Variants in POLE2 observed in about 807,000 individuals in gnomAD.
The protein encoded by POLE2 is DNA polymerase epsilon 2, accessory subunit, also known as DNA polymerase epsilon subunit 2.
A neutral mutation model predicts 79.4 loss-of-function variants in POLE2; 56 were observed. That is an observed-to-expected ratio of 0.71 (90% CI 0.57 to 0.88). The LOEUF is 0.88. POLE2 is among the 40% of genes least tolerant of loss of function. The pLI, the probability that POLE2 is intolerant of heterozygous loss-of-function variation, is 0.00. For missense variants in POLE2, 598 were observed against 638.9 expected, an observed-to-expected ratio of 0.94 and a Z score of 0.69; for synonymous variants, 212 against 214.0, an observed-to-expected ratio of 0.99 and a Z score of 0.08.
chr14:49,649,442 G>A (rs1187039372), intron 17 of POLE2, among the ~76,000 whole-genome samples: 16 of 146,362 alleles, frequency 1.1e-4, no homozygotes, highest in Non-Finnish European at 1.9e-4. Flanking sequence ...CACCACACCC[G>A]GCCTATATTT....
At chr14:49,652,672 G>T (rs1465126223) in intron 15 of POLE2, among the ~76,000 whole-genome samples, 1 of 152,130 alleles carries the variant, frequency 6.6e-6, no homozygotes, top group African/African-American at 2.4e-5. Context: ...CTGATGATCT[G>T]TCACTGTCTC....
At chr14:49,672,340 A>G (rs536037066) in intron 5 of POLE2, among the ~76,000 whole-genome samples, 1 of 152,298 alleles carries the variant, frequency 6.6e-6, no homozygotes, top group Admixed American at 6.5e-5. Flanking sequence ...TAGCAACACT[A>G]TGTCGGCAAT....
chr14:49,656,180 C>G (rs1447377034), intron 10 of POLE2, among the ~76,000 whole-genome samples: 1 of 151,878 alleles, frequency 6.6e-6, no homozygotes, highest in Admixed American at 6.6e-5. Context: ...ACAGTGAAAC[C>G]CCATCTCTAC....
Position 49,664,664 on chromosome 14 carries a change from C to A in POLE2, c.644G>T (p.Ser215Ile). ...AAAGCATGCCTCTGTGTATAAACCA[C>A]TATGGAACTGGTACACAACAGTTGA... is the stretch of plus-strand genomic sequence containing the variant. ...QLDLSKAQFHSGLYTEACFVL... is the reference protein window; with the variant it reads ...QLDLSKAQFHIGLYTEACFVL... The change falls in exon 9 of 19, where the codon AGT becomes ATT. Residue 215 changes from serine to isoleucine, a missense_variant. Physicochemically the swap from Ser to Ile is moderately radical, Grantham distance 142. Coordinates refer to ENST00000216367, the MANE Select transcript of POLE2 (RefSeq NM_002692.4). 1 of 1,589,788 alleles carries A rather than the reference C, an allele frequency of 6.3e-7. No individual in the cohort carries two copies. The highest frequency in any genetic ancestry group is 1.1e-5 in the South Asian group (1 of 90,504).
chr14:49,666,140 T>C (rs150996782), intron 7 of POLE2, among the ~76,000 whole-genome samples, 190 bp downstream of exon 7: 19 of 152,346 alleles, frequency 1.2e-4, no homozygotes, highest in Non-Finnish European at 2.4e-4. Context: ...AGCCATTATT[T>C]ATCCTTGTTC....
At chr14:49,682,674 T>G (rs1390458266) in intron 2 of POLE2, among the ~76,000 whole-genome samples, 1 of 146,170 alleles carries the variant, frequency 6.8e-6, no homozygotes. Context: ...AAAGTCTATT[T>G]TCTACAGTTT....
intron 2 of POLE2, 28 bp downstream of exon 2, chr14:49,683,565 T>C: frequency 1.0e-6 from 1 of 998,170 alleles, no homozygotes; most frequent in South Asian, 1.4e-5. Flanking sequence ...TATTAACAAT[T>C]TAGGAGTTAT....
intron 1 of POLE2, 101 bp downstream of exon 1, chr14:49,688,035 C>T (rs1214413569): frequency 1.0e-6 from 1 of 992,598 alleles, no homozygotes; most frequent in Non-Finnish European, 1.5e-6. Flanking sequence ...CAAGCCCCCT[C>T]TCGGCGCGCG....
chr14:49,662,574 T>C (rs1343007095), intron 10 of POLE2, among the ~76,000 whole-genome samples: 1 of 152,234 alleles, frequency 6.6e-6, no homozygotes, highest in African/African-American at 2.4e-5. Context: ...AGGGCACACA[T>C]ACATGCCCTG....
rs2139653431 is a variant in POLE2 at position 49,666,389 on chromosome 14, C to A, written c.517G>T (p.Gly173Cys). ...GCATCTCCGATTTTGGTTGTACTAC[C>A]CAATAAGGTTTCTATTGTTTTAAGC... is the stretch of plus-strand genomic sequence containing the variant. ...FQLKTIETLL[G>C]STTKIGDAIV... Residue 173 changes from glycine (G) to cysteine (C), a missense_variant, in exon 7 of 19, where the codon GGT (glycine) becomes TGT (cysteine). By Grantham distance (159) the Gly-to-Cys change is radical. Transcript: ENST00000216367. The A allele has an allele frequency of 2.0e-6, 3 of 1,498,844 alleles. No individual in the cohort carries two copies. Among genetic ancestry groups the A allele is most frequent in the Middle Eastern group, 1.7e-4 (1 of 5,800 alleles). The allele number at this position is 1,498,844 out of a possible 1,614,324, so 92.8% of individuals were successfully genotyped here.
chr14:49,647,227 A>G, intron 18 of POLE2, 66 bp downstream of exon 18: 2 of 805,072 alleles, frequency 2.5e-6, no homozygotes, highest in South Asian at 1.6e-5. Flanking sequence ...CTGATAGAAC[A>G]TCTCATTTTC....
intron 3 of POLE2, among the ~76,000 whole-genome samples, chr14:49,676,471 C>T (rs987734009): frequency 6.6e-6 from 1 of 152,200 alleles, no homozygotes; most frequent in Non-Finnish European, 1.5e-5. Context: ...GCCATCTCTT[C>T]ATCTATGAGA....
At chr14:49,674,073 T>C (rs1254301634) in intron 5 of POLE2, 50 bp downstream of exon 5, 5 of 1,043,774 alleles carry the variant, frequency 4.8e-6, no homozygotes, top group Non-Finnish European at 7.5e-6. Flanking sequence ...ACAGTCTCCT[T>C]TTCTCTCATT....
intron 3 of POLE2, among the ~76,000 whole-genome samples, chr14:49,676,999 G>T (rs528846310): frequency 6.6e-6 from 1 of 152,238 alleles, no homozygotes; most frequent in Non-Finnish European, 1.5e-5. Flanking sequence ...CATGCACTGT[G>T]TGCCTGCTCT....
chr14:49,687,567 C>G (rs112920648), intron 1 of POLE2, among the ~76,000 whole-genome samples: 9 of 152,012 alleles, frequency 5.9e-5, no homozygotes, highest in African/African-American at 2.2e-4. Flanking sequence ...TAACCGGCTG[C>G]CATAGATAGG....
At chr14:49,650,870 G>A (rs1291813402) in intron 16 of POLE2, among the ~76,000 whole-genome samples, 2 of 152,038 alleles carry the variant, frequency 1.3e-5, no homozygotes, top group African/African-American at 2.4e-5. Flanking sequence ...CTATTGTCAG[G>A]GAACCTCGAA....
At chr14:49,653,896 C>T in intron 15 of POLE2, 94 bp downstream of exon 15, 1 of 699,924 alleles carries the variant, frequency 1.4e-6, no homozygotes, top group Non-Finnish European at 2.4e-6. Context: ...CTGCCTCGGC[C>T]TCCCAAAGTG....
At chr14:49,652,915 A>T (rs1264006398) in intron 15 of POLE2, among the ~76,000 whole-genome samples, 2 of 151,998 alleles carry the variant, frequency 1.3e-5, no homozygotes, top group Admixed American at 6.6e-5. Flanking sequence ...GTTGGGGACC[A>T]CTGTGGTAGA....
chr14:49,665,909 C>G (rs1283278851), intron 7 of POLE2, among the ~76,000 whole-genome samples: 2 of 152,186 alleles, frequency 1.3e-5, no homozygotes, highest in African/African-American at 4.8e-5. Context: ...TCACTACAAC[C>G]TCCACCTCCC....
Sources: allele counts gnomAD v4.1 joint callset (sites outside exome capture counted in the v4.1 genomes callset), GRCh38; gene constraint gnomAD v4.1.1; transcripts MANE v1.5; gene names NCBI Gene and HGNC (gene_info 2026-07-23, HGNC 2026-07-21).